GPD2: variants seen among roughly 807,000 people sequenced by gnomAD.
GPD2 encodes the protein glycerol-3-phosphate dehydrogenase, mitochondrial.
A neutral mutation model predicts 82.4 loss-of-function variants in GPD2; 54 were observed. The ratio of observed to expected loss-of-function variants is 0.66; its 90% CI spans 0.53 to 0.82. GPD2 has a LOEUF of 0.82. Ranked by LOEUF, GPD2 falls within the 40% of genes least tolerant of loss-of-function variation. The pLI is 0.00. For missense variants in GPD2, 748 were observed against 896.2 expected (o/e 0.83, Z 2.11); for synonymous variants, 288 against 306.1 (o/e 0.94, Z 0.62).
At chr2:156,554,116 C>A (rs1223657069) in intron 8 of GPD2, among the ~76,000 whole-genome samples, 2 of 152,236 alleles carry the variant, frequency 1.3e-5, no homozygotes, top group Non-Finnish European at 2.9e-5. Context: ...TCATTCAGGA[C>A]TGACCTTGAG....
At chr2:156,407,622 A>G in the GPD2 span, among the ~76,000 whole-genome samples, 1 of 152,230 alleles carries the variant, frequency 6.6e-6, no homozygotes, top group Non-Finnish European at 1.5e-5. Flanking sequence ...AAGATGCATG[A>G]AGACAGTGAG....
chr2:156,470,805 A>T (rs1223558748), intron 1 of GPD2, among the ~76,000 whole-genome samples: 1 of 152,238 alleles, frequency 6.6e-6, no homozygotes, highest in Non-Finnish European at 1.5e-5. Context: ...TCTGAGCCAG[A>T]TAAGTTGCAG....
intron 9 of GPD2, among the ~76,000 whole-genome samples, chr2:156,563,261 T>C (rs1687241557): frequency 6.6e-6 from 1 of 152,172 alleles, no homozygotes; most frequent in South Asian, 2.1e-4. Context: ...CTTTACTAGA[T>C]ACAGTATTTG....
rs565823501 is a variant in GPD2, at chr2:156,510,259, C to A, written c.275-537C>A. ...TCCTTTCTTTTTCTTTCTTTCCTTT[C>A]TTTGCTATCTCTCCCCATTGTATAT... On this transcript the variant is annotated intron_variant, in intron 3 of 16. Transcript: ENST00000438166. 5.9e-5 allele frequency among the ~76,000 whole-genome samples: 9 copies of A among 152,092 alleles called. No homozygotes were observed. The South Asian group carries it at 1.7e-3, about 28-fold the overall frequency.
intron 1 of GPD2, among the ~76,000 whole-genome samples, chr2:156,451,324 G>A (rs1278967522): frequency 1.3e-5 from 2 of 150,178 alleles, no homozygotes; most frequent in East Asian, 2.0e-4. Flanking sequence ...CGGACAGGGC[G>A]GCTGGCCGGG....
upstream of GPD2, among the ~76,000 whole-genome samples, chr2:156,432,669 T>A (rs1688330983): frequency 6.6e-6 from 1 of 152,222 alleles, no homozygotes; most frequent in Admixed American, 6.5e-5. Context: ...TAACTTATGC[T>A]CTAATTGCAA....
chr2:156,420,141 C>T, the GPD2 span, among the ~76,000 whole-genome samples: 2 of 152,112 alleles, frequency 1.3e-5, no homozygotes, highest in African/African-American at 4.8e-5. Context: ...TTTTAAGAGA[C>T]TAATACAATG....
At chr2:156,567,928 T>G (rs1428965102) in intron 9 of GPD2, among the ~76,000 whole-genome samples, 1 of 152,134 alleles carries the variant, frequency 6.6e-6, no homozygotes, top group Non-Finnish European at 1.5e-5. Context: ...TCATGGCATC[T>G]TGAGTATTGA....
chr2:156,450,012 A>G lies in GPD2; in HGVS notation c.-9+13499A>G, dbSNP rs934976709. Reference sequence around the variant, plus strand: ...GGTGACAGAGTGAGACTCTGTCTCAAAGAGAAAAAAGCATAGAAAGAAGTG... The same window carrying G: ...GGTGACAGAGTGAGACTCTGTCTCAGAGAGAAAAAAGCATAGAAAGAAGTG... On this transcript the variant is annotated intron_variant, in intron 1 of 16. Coordinates refer to ENST00000438166, the MANE Select transcript of GPD2 (RefSeq NM_000408.5). Among the ~76,000 whole-genome samples the G allele has an allele frequency of 5.6e-4, 5 of 8,966 alleles. No individual in the cohort carries two copies. In the Admixed American group the frequency reaches 0.012, roughly 21 times the overall value. 5.9% of individuals were successfully genotyped at this position (8,966 alleles called of 152,430 possible).
intron 9 of GPD2, among the ~76,000 whole-genome samples, chr2:156,565,786 T>C (rs1455791509): frequency 6.6e-6 from 1 of 152,074 alleles, no homozygotes; most frequent in African/African-American, 2.4e-5. Context: ...GGAGAAATTA[T>C]CTGTCATCCA....
Position 156,579,914 on chromosome 2 carries a change from A to G in GPD2, c.2058+126A>G, listed in dbSNP as rs1451039537. On this transcript the variant is annotated intron_variant, in intron 16 of 16. Coordinates refer to ENST00000438166, the MANE Select transcript of GPD2 (RefSeq NM_000408.5). ...GTCAGATTATTCTGAAGAAGAAGAAAGCTCGAAGCCAGCAGAGGTTGATAT... is the reference window on the plus strand; with the variant it reads ...GTCAGATTATTCTGAAGAAGAAGAAGGCTCGAAGCCAGCAGAGGTTGATAT... The G allele has an allele frequency of 1.1e-5, 8 of 705,846 alleles. 1 individual carries two copies. The East Asian group carries it at 1.9e-4, about 17-fold the overall frequency. 43.7% of individuals were successfully genotyped at this position (705,846 alleles called of 1,614,324 possible).
chr2:156,523,668 TTCTA>T (rs1685496635), intron 6 of GPD2, among the ~76,000 whole-genome samples: 1 of 131,912 alleles, frequency 7.6e-6, no homozygotes, highest in Admixed American at 7.7e-5. Context: ...ATAATTTCTT[TTCTA>T]GATAGATAGA....
intron 8 of GPD2, among the ~76,000 whole-genome samples, chr2:156,555,456 A>G (rs3769369): frequency 0.72 from 109,277 of 152,048 alleles, 39,364 homozygotes; most frequent in Middle Eastern, 0.82. Context: ...TATGATGTCT[A>G]GTCCTTGATA....
At chr2:156,572,205 C>T (rs1687665776) in intron 13 of GPD2, among the ~76,000 whole-genome samples, 1 of 152,156 alleles carries the variant, frequency 6.6e-6, no homozygotes, top group Non-Finnish European at 1.5e-5. Flanking sequence ...AAATAGCTAT[C>T]CTTCAGTTAC....
chr2:156,428,478 A>G, the GPD2 span, among the ~76,000 whole-genome samples: 3 of 152,200 alleles, frequency 2.0e-5, no homozygotes, highest in Non-Finnish European at 4.4e-5. Flanking sequence ...CTATTGAAAG[A>G]TATTTTTTAG....
chr2:156,414,726 T>C, the GPD2 span, among the ~76,000 whole-genome samples: 2 of 152,196 alleles, frequency 1.3e-5, no homozygotes, highest in African/African-American at 2.4e-5. Flanking sequence ...TCAAATGTTA[T>C]TGGGACTAGC....
At chr2:156,546,465 C>T (rs924640946) in intron 6 of GPD2, among the ~76,000 whole-genome samples, 6 of 152,072 alleles carry the variant, frequency 3.9e-5, no homozygotes, top group Admixed American at 2.6e-4. Flanking sequence ...TCACGTATAT[C>T]TCAGGAAGCA....
intron 6 of GPD2, among the ~76,000 whole-genome samples, chr2:156,537,623 T>C (rs1055526612): frequency 2.0e-5 from 3 of 152,232 alleles, no homozygotes; most frequent in Non-Finnish European, 4.4e-5. Flanking sequence ...CTTCTTCTGT[T>C]GTTTATTTTT....
intron 2 of GPD2, among the ~76,000 whole-genome samples, chr2:156,483,332 A>T (rs1199958497): frequency 1.3e-5 from 2 of 152,226 alleles, no homozygotes; most frequent in African/African-American, 4.8e-5. Flanking sequence ...TCTTCATAAA[A>T]TAAAGATAAT....
Sources: allele counts gnomAD v4.1 joint callset (sites outside exome capture counted in the v4.1 genomes callset), GRCh38; gene constraint gnomAD v4.1.1; transcripts MANE v1.5; gene names NCBI Gene and HGNC (gene_info 2026-07-23, HGNC 2026-07-21).